DOCK4: variants seen among roughly 807,000 people sequenced by gnomAD.
DOCK4 encodes dedicator of cytokinesis protein 4.
In DOCK4, 97 loss-of-function variants were observed where a neutral mutation model predicts 268.1. The ratio of observed to expected loss-of-function variants is 0.36; its 90% CI spans 0.31 to 0.43. The LOEUF is 0.43. Ranked by LOEUF, DOCK4 falls within the 20% of genes least tolerant of loss-of-function variation. The pLI is 1.00. For missense variants in DOCK4, 2,145 were observed against 2,455.7 expected (o/e 0.87, Z 2.67); for synonymous variants, 954 against 887.2 (o/e 1.08, Z -1.34).
At chr7:112,140,762 G>T (rs1814842631) in intron 1 of DOCK4, among the ~76,000 whole-genome samples, 1 of 151,882 alleles carries the variant, frequency 6.6e-6, no homozygotes, top group South Asian at 2.1e-4. Flanking sequence ...AATCAAAGAA[G>T]GCTTTGGGAG....
rs1795379642 is a variant in DOCK4, at chr7:111,735,103, A to G, written c.5370T>C (p.Asp1790=). Reference sequence around the variant, plus strand: ...CAGGGGGAGAGATAAGTTTCCCACTATCCGACATGTTCTTGGCTTCCTTCC... The same window carrying G: ...CAGGGGGAGAGATAAGTTTCCCACTGTCCGACATGTTCTTGGCTTCCTTCC... ...DSGKEAKNMS[D]SGKLISPPVP... The change falls in exon 51 of 53, where the codon GAT becomes GAC. Residue 1790 remains aspartate, a synonymous_variant. Coordinates refer to ENST00000428084, the MANE Select transcript of DOCK4 (RefSeq NM_001363540.2). 1 of 1,602,736 alleles carries G rather than the reference A, an allele frequency of 6.2e-7. No homozygotes were observed. Among genetic ancestry groups the G allele is most frequent in the Non-Finnish European group, 8.5e-7 (1 of 1,174,560 alleles).
At chr7:111,851,037 G>A (rs922769969) in intron 23 of DOCK4, among the ~76,000 whole-genome samples, 9 of 152,032 alleles carry the variant, frequency 5.9e-5, no homozygotes, top group Admixed American at 2.0e-4. Context: ...TAGAACAATT[G>A]GATACACATA....
rs147379636 is a variant in DOCK4, at chr7:112,150,442, T to C, written c.37+55660A>G. 5.4e-3 allele frequency among the ~76,000 whole-genome samples: 828 copies of C among 152,246 alleles called. 12 individuals carry two copies. The highest frequency in any genetic ancestry group is 0.018 in the African/African-American group (764 of 41,546). On this transcript the variant is annotated intron_variant, in intron 1 of 52. Transcript: ENST00000428084. ...CTCATTCTGTCTATGCCCCTCATACTTGGAGATAACCTCGTCCTGTCTTGC... is the reference window on the plus strand; with the variant it reads ...CTCATTCTGTCTATGCCCCTCATACCTGGAGATAACCTCGTCCTGTCTTGC...
intron 1 of DOCK4, among the ~76,000 whole-genome samples, chr7:112,155,533 G>C (rs1167875807): frequency 6.6e-6 from 1 of 152,124 alleles, no homozygotes; most frequent in Non-Finnish European, 1.5e-5. Context: ...TTTTCTCAAG[G>C]CCTGTCATAT....
chr7:111,762,762 C>CTTTTTTTTTTTTTTTTTTTTTTTTTTTTT lies in DOCK4; in HGVS notation c.4020+2355_4020+2356insAAAAAAAAAAAAAAAAAAAAAAAAAAAAA, dbSNP rs869052136. Among the ~76,000 whole-genome samples the CTTTTTTTTTTTTTTTTTTTTTTTTTTTTT allele has an allele frequency of 2.8e-3, 175 of 63,068 alleles. 31 individuals carry two copies. Among genetic ancestry groups the CTTTTTTTTTTTTTTTTTTTTTTTTTTTTT allele is most frequent in the African/African-American group, 4.7e-3 (86 of 18,374 alleles). The allele number at this position is 63,068 out of a possible 152,430, so 41.4% of individuals were successfully genotyped here. On this transcript the variant is annotated intron_variant, in intron 39 of 52. Coordinates refer to ENST00000428084, the MANE Select transcript of DOCK4 (RefSeq NM_001363540.2). ...TAAATAACCCATTTTGTTTTGTTTT[C>CTTTTTTTTTTTTTTTTTTTTTTTTTTTTT]TTTTTTTTTTTTTTTTTTTTTTTTG...
In DOCK4 at chr7:111,895,738, T is replaced by G. The variant is rs181788154; in HGVS notation, c.1481-20A>C. 8,059 of 1,607,090 alleles carry G rather than the reference T, an allele frequency of 5.0e-3. 19 individuals carry two copies. Among genetic ancestry groups the G allele is most frequent in the Non-Finnish European group, 6.3e-3 (7,387 of 1,173,868 alleles). ...CCTTTGCTGTAAAAAACAAATTACT[T>G]GCTTATTTAAGTGTATCTATGTTCA... On this transcript the variant is annotated intron_variant, in intron 15 of 52. Coordinates refer to ENST00000428084, the MANE Select transcript of DOCK4 (RefSeq NM_001363540.2).
At chr7:112,194,637 T>G (rs1199752879) in intron 1 of DOCK4, among the ~76,000 whole-genome samples, 1 of 152,220 alleles carries the variant, frequency 6.6e-6, no homozygotes, top group African/African-American at 2.4e-5. Flanking sequence ...GGAAATAATG[T>G]TTGGCTTATA....
chr7:111,933,624 G>C (rs917031780), intron 12 of DOCK4, among the ~76,000 whole-genome samples: 1 of 151,970 alleles, frequency 6.6e-6, no homozygotes, highest in Non-Finnish European at 1.5e-5. Context: ...TGGGAAAAGA[G>C]AAGACAAGCA....
In DOCK4 at chr7:112,018,685, T is replaced by C. The variant is rs1802069453; in HGVS notation, c.38-14554A>G. ...AAACTTGAAAAAAATACTCCCTACA[T>C]CCCCCTCCCCCACCCCACCCATTTT... On this transcript the variant is annotated intron_variant, in intron 1 of 52. Coordinates refer to ENST00000428084, the MANE Select transcript of DOCK4 (RefSeq NM_001363540.2). 8.0e-5 allele frequency among the ~76,000 whole-genome samples: 12 copies of C among 150,836 alleles called. No individual in the cohort carries two copies. The South Asian group carries it at 2.5e-3, about 32-fold the overall frequency.
chr7:112,172,383 A>G lies in DOCK4; in HGVS notation c.37+33719T>C, dbSNP rs549065550. The stretch of plus-strand genomic sequence containing the variant: ...TTTTAGGGTCCTATTTTACCTCCCT[A>G]TGAGAAAGGAATTTGGGCCATATCT... On this transcript the variant is annotated intron_variant, in intron 1 of 52. Coordinates refer to ENST00000428084, the MANE Select transcript of DOCK4 (RefSeq NM_001363540.2). 3.3e-5 allele frequency among the ~76,000 whole-genome samples: 5 copies of G among 152,314 alleles called. No homozygotes were observed. The Middle Eastern group carries it at 0.01, about 311-fold the overall frequency.
Position 111,941,671 on chromosome 7 carries a change from A to G in DOCK4, c.845-1429T>C, listed in dbSNP as rs111380205. ...AAAAAAAAACTAGAAACTGCAAACAAGATTATTCCTAATGACTCTGCTAGC... is the reference window on the plus strand; with the variant it reads ...AAAAAAAAACTAGAAACTGCAAACAGGATTATTCCTAATGACTCTGCTAGC... On this transcript the variant is annotated intron_variant, in intron 10 of 52. Coordinates refer to ENST00000428084, the MANE Select transcript of DOCK4 (RefSeq NM_001363540.2). Among the ~76,000 whole-genome samples, 40 of 152,306 alleles carry G rather than the reference A, an allele frequency of 2.6e-4. 1 individual carries two copies. Among genetic ancestry groups the G allele is most frequent in the African/African-American group, 8.4e-4 (35 of 41,578 alleles).
At chr7:111,760,517 C>T (rs1477293658) in intron 39 of DOCK4, among the ~76,000 whole-genome samples, 195 bp from the exon 40 acceptor site, 3 of 152,150 alleles carry the variant, frequency 2.0e-5, no homozygotes, top group African/African-American at 7.2e-5. Flanking sequence ...TCACTCTCTA[C>T]TGCATTTAAT....
intron 41 of DOCK4, among the ~76,000 whole-genome samples, chr7:111,757,822 G>A (rs1003424123): frequency 6.6e-6 from 1 of 152,122 alleles, no homozygotes; most frequent in South Asian, 2.1e-4. Flanking sequence ...GATGAAAAAT[G>A]CTAAGCCAAT....
chr7:112,145,466 G>T (rs1321573931), intron 1 of DOCK4, among the ~76,000 whole-genome samples: 1 of 152,146 alleles, frequency 6.6e-6, no homozygotes, highest in Admixed American at 6.6e-5. Flanking sequence ...AAAGGGCCGC[G>T]GGGCTCGCAG....
intron 1 of DOCK4, among the ~76,000 whole-genome samples, chr7:112,037,500 C>A (rs1246270646): frequency 6.6e-6 from 1 of 152,160 alleles, no homozygotes; most frequent in Non-Finnish European, 1.5e-5. Context: ...ATTTCTATGA[C>A]CACAGAAAAG....
chr7:112,090,514 G>C (rs1035610111), intron 1 of DOCK4, among the ~76,000 whole-genome samples: 1 of 152,152 alleles, frequency 6.6e-6, no homozygotes, highest in Non-Finnish European at 1.5e-5. Context: ...ATCTGCATAT[G>C]TAAGTAACCA....
intron 7 of DOCK4, among the ~76,000 whole-genome samples, chr7:111,980,033 T>C (rs530469627): frequency 1.3e-5 from 2 of 152,230 alleles, no homozygotes; most frequent in South Asian, 4.1e-4. Context: ...TGAGAATCAC[T>C]GATCAGGATC....
intron 25 of DOCK4, among the ~76,000 whole-genome samples, chr7:111,841,285 C>G (rs890726307): frequency 9.9e-5 from 15 of 152,058 alleles, no homozygotes; most frequent in African/African-American, 3.4e-4. Context: ...GGGCCTCAGT[C>G]TCCTGAGTAG....
chr7:111,733,484 G>A (rs1185603341), intron 51 of DOCK4, among the ~76,000 whole-genome samples: 5 of 152,278 alleles, frequency 3.3e-5, no homozygotes, highest in African/African-American at 4.8e-5. Context: ...CCTGTTGATC[G>A]TGGGTGCTGA....
Sources: gnomAD v4.1 joint callset for allele counts (sites outside exome capture counted in the v4.1 genomes callset) on GRCh38, gnomAD v4.1.1 for gene constraint, MANE v1.5 for transcripts, NCBI Gene and HGNC (gene_info 2026-07-23, HGNC 2026-07-21) for gene names.